The following LRRTM4 variants were observed in gnomAD, a reference collection of about 807,000 sequenced individuals.
The protein encoded by LRRTM4 is leucine-rich repeat transmembrane neuronal protein 4.
In LRRTM4, 25 loss-of-function variants were observed where a neutral mutation model predicts 47.6. That is an observed-to-expected ratio of 0.53 (90% CI 0.38 to 0.73). LRRTM4 has a LOEUF of 0.73. LRRTM4 is among the 30% of genes least tolerant of loss of function. LRRTM4 has a pLI of 0.00. For synonymous variants in LRRTM4, 311 were observed against 269.5 expected, an observed-to-expected ratio of 1.15 and a Z score of -1.51; for missense variants, 638 against 713.4, an observed-to-expected ratio of 0.89 and a Z score of 1.20.
intron 3 of LRRTM4, among the ~76,000 whole-genome samples, chr2:76,832,204 T>A (rs1298387161): frequency 6.6e-6 from 1 of 152,134 alleles, no homozygotes; most frequent in Non-Finnish European, 1.5e-5. Flanking sequence ...TGTCTGAGTT[T>A]CCTATCACCA....
chr2:76,780,230 A>G (rs993490668), intron 3 of LRRTM4, among the ~76,000 whole-genome samples: 10 of 151,928 alleles, frequency 6.6e-5, no homozygotes, highest in African/African-American at 9.7e-5. Context: ...GAATCTGACA[A>G]TTATTGTCTT....
chr2:76,965,184 A>G (rs1013618085), intron 3 of LRRTM4, among the ~76,000 whole-genome samples: 36 of 151,216 alleles, frequency 2.4e-4, no homozygotes, highest in African/African-American at 8.7e-4. Flanking sequence ...CAAACTTCCT[A>G]TCACATTCTA....
At chr2:77,353,573 G>T (rs1396322825) in intron 3 of LRRTM4, among the ~76,000 whole-genome samples, 1 of 151,976 alleles carries the variant, frequency 6.6e-6, no homozygotes, top group Non-Finnish European at 1.5e-5. Flanking sequence ...CCTTATGTAG[G>T]GGGATAATGA....
chr2:76,883,796 T>C (rs1672995477), intron 3 of LRRTM4, among the ~76,000 whole-genome samples: 1 of 152,180 alleles, frequency 6.6e-6, no homozygotes, highest in Admixed American at 6.5e-5. Flanking sequence ...AGACAAGTGC[T>C]AAATGATTGT....
chr2:77,356,519 G>C (rs1454322539), intron 3 of LRRTM4, among the ~76,000 whole-genome samples: 1 of 152,128 alleles, frequency 6.6e-6, no homozygotes, highest in East Asian at 1.9e-4. Context: ...TCACATAAAA[G>C]GAAGAAGGTA....
intron 3 of LRRTM4, among the ~76,000 whole-genome samples, chr2:77,349,209 T>G (rs554428359): frequency 6.6e-6 from 1 of 152,046 alleles, no homozygotes; most frequent in Non-Finnish European, 1.5e-5. Context: ...TTGACTTTTG[T>G]ACCTTGGCTG....
At chr2:77,050,380 G>T (rs1237830480) in intron 3 of LRRTM4, among the ~76,000 whole-genome samples, 1 of 151,888 alleles carries the variant, frequency 6.6e-6, no homozygotes, top group Non-Finnish European at 1.5e-5. Flanking sequence ...AATTGTAGGG[G>T]GTTTTGTTTG....
chr2:76,906,924 A>T (rs1673861268), intron 3 of LRRTM4, among the ~76,000 whole-genome samples: 1 of 151,922 alleles, frequency 6.6e-6, no homozygotes, highest in African/African-American at 2.4e-5. Flanking sequence ...CACTGTCAAC[A>T]TTAGACAGAT....
chr2:76,803,033 G>T (rs1391158556), intron 3 of LRRTM4, among the ~76,000 whole-genome samples: 1 of 152,096 alleles, frequency 6.6e-6, no homozygotes, highest in Non-Finnish European at 1.5e-5. Flanking sequence ...CATGAGATTG[G>T]TCTGGGTAAT....
intron 3 of LRRTM4, among the ~76,000 whole-genome samples, chr2:77,074,625 C>G (rs1056531113): frequency 6.6e-6 from 1 of 152,022 alleles, no homozygotes; most frequent in African/African-American, 2.4e-5. Context: ...TTTTTTATCA[C>G]TGTGAATTAT....
intron 3 of LRRTM4, among the ~76,000 whole-genome samples, chr2:77,080,956 T>C (rs77404023): frequency 6.6e-6 from 1 of 152,232 alleles, no homozygotes; most frequent in South Asian, 2.1e-4. Context: ...TCTGTCCACA[T>C]CCCCACTTCC....
At chr2:76,948,435 T>G (rs1402949216) in intron 3 of LRRTM4, among the ~76,000 whole-genome samples, 1 of 151,836 alleles carries the variant, frequency 6.6e-6, no homozygotes, top group African/African-American at 2.4e-5. Context: ...GAAAATGTAA[T>G]AGTCTTACAC....
chr2:77,029,164 G>T (rs927024132), intron 3 of LRRTM4, among the ~76,000 whole-genome samples: 6 of 150,192 alleles, frequency 4.0e-5, no homozygotes, highest in Non-Finnish European at 8.9e-5. Context: ...GTTTGATAAC[G>T]TTAGTATTTA....
At chr2:76,975,774 G>A (rs1393967656) in intron 3 of LRRTM4, among the ~76,000 whole-genome samples, 1 of 151,610 alleles carries the variant, frequency 6.6e-6, no homozygotes, top group Non-Finnish European at 1.5e-5. Context: ...CACCACATCT[G>A]GCCACATTTA....
intron 3 of LRRTM4, among the ~76,000 whole-genome samples, chr2:77,082,321 A>C (rs2103858771): frequency 6.6e-6 from 1 of 152,208 alleles, no homozygotes; most frequent in East Asian, 1.9e-4. Context: ...TTGGACACTT[A>C]TGATGTGTCT....
chr2:77,419,994 T>A (rs964124108), intron 3 of LRRTM4, among the ~76,000 whole-genome samples: 1 of 152,106 alleles, frequency 6.6e-6, no homozygotes, highest in African/African-American at 2.4e-5. Context: ...CTTAACTGAG[T>A]GTCTGCACTT....
chr2:77,075,262 A>G (rs1680294279), intron 3 of LRRTM4, among the ~76,000 whole-genome samples: 1 of 152,206 alleles, frequency 6.6e-6, no homozygotes, highest in Non-Finnish European at 1.5e-5. Flanking sequence ...ATAAGCACTA[A>G]TTATTTGACT....
At chr2:77,122,086 A>G (rs751323376) in intron 3 of LRRTM4, among the ~76,000 whole-genome samples, 2 of 151,834 alleles carry the variant, frequency 1.3e-5, no homozygotes, top group Non-Finnish European at 3.0e-5. Flanking sequence ...TACTTTATGA[A>G]TGATTAAATA....
chr2:77,456,141 T>A (rs1468857380), intron 3 of LRRTM4, among the ~76,000 whole-genome samples: 1 of 152,142 alleles, frequency 6.6e-6, no homozygotes, highest in African/African-American at 2.4e-5. Flanking sequence ...AAATCCCTAC[T>A]GACTAAATTC....
Sources: gnomAD v4.1 joint callset for allele counts (sites outside exome capture counted in the v4.1 genomes callset) on GRCh38, gnomAD v4.1.1 for gene constraint, MANE v1.5 for transcripts, NCBI Gene and HGNC (gene_info 2026-07-23, HGNC 2026-07-21) for gene names.